The following FHIT variants were observed in gnomAD, a reference collection of about 807,000 sequenced individuals.
FHIT encodes the protein bis(5'-adenosyl)-triphosphatase.
FHIT carries 19 observed loss-of-function variants against 17.9 expected under a neutral mutation model. That is an observed-to-expected ratio of 1.06 (90% CI 0.74 to 1.56). FHIT has a LOEUF of 1.56. FHIT is among the 40% of genes most tolerant of loss of function. The pLI is 0.00. For missense variants in FHIT, 248 were observed against 189.2 expected, an observed-to-expected ratio of 1.31 and a Z score of -1.82; for synonymous variants, 81 against 69.7, an observed-to-expected ratio of 1.16 and a Z score of -0.81.
chr3:60,242,941 A>G (rs1411261398), intron 5 of FHIT, among the ~76,000 whole-genome samples: 1 of 152,036 alleles, frequency 6.6e-6, no homozygotes, highest in Non-Finnish European at 1.5e-5. Flanking sequence ...AGTAGATGTT[A>G]GTCTAATCTC....
intron 3 of FHIT, among the ~76,000 whole-genome samples, chr3:60,974,683 T>A (rs1042874032): frequency 1.8e-4 from 28 of 152,172 alleles, no homozygotes; most frequent in African/African-American, 6.8e-4. Flanking sequence ...ACAAGAGTGA[T>A]TAACCCTCAG....
intron 4 of FHIT, chr3:60,617,599 T>C (rs1430046788): frequency 6.5e-6 from 1 of 152,904 alleles, no homozygotes; most frequent in East Asian, 1.9e-4. Flanking sequence ...AATTGCTATT[T>C]TAATATGTGG....
chr3:60,333,684 A>G (rs1384149908), intron 5 of FHIT, among the ~76,000 whole-genome samples: 1 of 152,212 alleles, frequency 6.6e-6, no homozygotes, highest in Non-Finnish European at 1.5e-5. Flanking sequence ...AAATTGTCCC[A>G]TAGAGCTAAT....
intron 5 of FHIT, among the ~76,000 whole-genome samples, chr3:60,389,350 C>A (rs1166981368): frequency 6.6e-6 from 1 of 152,238 alleles, no homozygotes; most frequent in Middle Eastern, 3.4e-3. Context: ...TGCCTTTGAA[C>A]ACTAACTTTC....
At chr3:61,142,231 G>A (rs2037105579) in intron 2 of FHIT, among the ~76,000 whole-genome samples, 1 of 151,284 alleles carries the variant, frequency 6.6e-6, no homozygotes, top group African/African-American at 2.4e-5. Flanking sequence ...GAAAATATCA[G>A]GTTGCTCTCT....
At chr3:59,829,278 T>G (rs1204858938) in intron 8 of FHIT, among the ~76,000 whole-genome samples, 1 of 152,220 alleles carries the variant, frequency 6.6e-6, no homozygotes, top group East Asian at 1.9e-4. Flanking sequence ...TATGTGCATC[T>G]AATTAAAGGT....
At chr3:60,117,469 G>A (rs1265225232) in intron 5 of FHIT, among the ~76,000 whole-genome samples, 1 of 107,214 alleles carries the variant, frequency 9.3e-6, no homozygotes, top group Non-Finnish European at 1.7e-5. Context: ...AATCCAGACA[G>A]ACCCAAAGTC....
rs149366692 is a variant in FHIT at position 60,025,302 on chromosome 3, C to T, written c.104-11150G>A. Among the ~76,000 whole-genome samples the T allele has an allele frequency of 2.6e-5, 4 of 152,318 alleles. No individual in the cohort carries two copies. The East Asian group carries it at 7.7e-4, about 29-fold the overall frequency. ...GCAAAATGGTGCATATGTGCACGCACACACATTGTTTTCCTCTGGTATAAA... is the reference window on the plus strand; with the variant it reads ...GCAAAATGGTGCATATGTGCACGCATACACATTGTTTTCCTCTGGTATAAA... On this transcript the variant is annotated intron_variant, in intron 5 of 9. Coordinates refer to ENST00000492590, the MANE Select transcript of FHIT (RefSeq NM_002012.4).
At chr3:61,150,031 A>C (rs1400282944) in intron 2 of FHIT, among the ~76,000 whole-genome samples, 1 of 152,164 alleles carries the variant, frequency 6.6e-6, no homozygotes, top group Non-Finnish European at 1.5e-5. Context: ...ATGGAGCCTA[A>C]GGCACTGCCC....
chr3:61,061,958 T>C (rs1398522129), intron 2 of FHIT, among the ~76,000 whole-genome samples: 2 of 152,212 alleles, frequency 1.3e-5, no homozygotes, highest in Non-Finnish European at 2.9e-5. Context: ...CTATAATACA[T>C]ACTGTTCTGT....
chr3:60,173,850 A>G (rs1225090938), intron 5 of FHIT, among the ~76,000 whole-genome samples: 1 of 133,622 alleles, frequency 7.5e-6, no homozygotes, highest in Non-Finnish European at 1.6e-5. Flanking sequence ...TATTTTCAGG[A>G]TCAATGGTGG....
chr3:60,396,977 C>G (rs75428876), intron 5 of FHIT, among the ~76,000 whole-genome samples: 7,603 of 152,144 alleles, frequency 0.05, 623 homozygotes, highest in African/African-American at 0.17. Flanking sequence ...TTTATTATTA[C>G]TGTTACTTCT....
intron 3 of FHIT, among the ~76,000 whole-genome samples, chr3:61,024,741 G>C (rs1212847544): frequency 6.6e-6 from 1 of 152,110 alleles, no homozygotes; most frequent in Non-Finnish European, 1.5e-5. Flanking sequence ...TGATTTTAAA[G>C]TTTATCTTCA....
intron 5 of FHIT, among the ~76,000 whole-genome samples, chr3:60,267,119 C>A (rs1376295061): frequency 6.6e-6 from 1 of 151,962 alleles, no homozygotes; most frequent in Non-Finnish European, 1.5e-5. Flanking sequence ...TAGTTATGTT[C>A]TCTGCTTCCA....
At chr3:59,847,734 G>A (rs1280608807) in intron 8 of FHIT, among the ~76,000 whole-genome samples, 1 of 152,074 alleles carries the variant, frequency 6.6e-6, no homozygotes, top group African/African-American at 2.4e-5. Context: ...CCCTTTGCTA[G>A]GGTTGCTGGT....
At chr3:60,397,714 A>G (rs1334108142) in intron 5 of FHIT, among the ~76,000 whole-genome samples, 1 of 152,132 alleles carries the variant, frequency 6.6e-6, no homozygotes, top group Non-Finnish European at 1.5e-5. Context: ...TTCCAAGCTG[A>G]AAACAGTTTA....
intron 5 of FHIT, among the ~76,000 whole-genome samples, chr3:60,057,348 A>T (rs1364323199): frequency 6.6e-6 from 1 of 152,210 alleles, no homozygotes; most frequent in African/African-American, 2.4e-5. Context: ...CTGTTGCTTC[A>T]GAGCTTTGAT....
chr3:60,182,004 T>C (rs1701960708), intron 5 of FHIT, among the ~76,000 whole-genome samples: 1 of 152,184 alleles, frequency 6.6e-6, no homozygotes, highest in African/African-American at 2.4e-5. Context: ...GGTGGGGACT[T>C]TTAATTATAT....
intron 4 of FHIT, among the ~76,000 whole-genome samples, chr3:60,785,985 A>C (rs1239638191): frequency 6.6e-6 from 1 of 151,890 alleles, no homozygotes; most frequent in Non-Finnish European, 1.5e-5. Flanking sequence ...TACAGAGATA[A>C]AGACAGAAGA....
Sources: gnomAD v4.1 joint callset for allele counts (sites outside exome capture counted in the v4.1 genomes callset) on GRCh38, gnomAD v4.1.1 for gene constraint, MANE v1.5 for transcripts, NCBI Gene and HGNC (gene_info 2026-07-23, HGNC 2026-07-21) for gene names.